DOCK8: variants seen among roughly 807,000 people sequenced by gnomAD.
DOCK8 encodes dedicator of cytokinesis 8.
DOCK8 carries 141 observed loss-of-function variants against 245.6 expected under a neutral mutation model. The observed-to-expected ratio is 0.57, with a 90% confidence interval of 0.50 to 0.66. DOCK8 has a LOEUF of 0.66. Among genes scored for constraint, DOCK8 ranks in the 30% least tolerant of loss-of-function variants. The pLI is 0.00. For synonymous variants in DOCK8, 1,168 were observed against 970.2 expected (o/e 1.20, Z -3.79); for missense variants, 2,965 against 2,603.4 (o/e 1.14, Z -3.02).
At chr9:389,852 C>A (rs1563997961) in intron 23 of DOCK8, among the ~76,000 whole-genome samples, 1 of 149,180 alleles carries the variant, frequency 6.7e-6, no homozygotes, top group East Asian at 2.0e-4. Context: ...CCATCTCTAC[C>A]AAAAAAAAAG....
intron 12 of DOCK8, among the ~76,000 whole-genome samples, chr9:337,443 C>T (rs1301525710): frequency 1.3e-5 from 2 of 152,194 alleles, no homozygotes; most frequent in Non-Finnish European, 2.9e-5. Flanking sequence ...TTTGAACTAT[C>T]TTGGCCAATC....
chr9:220,808 C>T (rs565147264), intron 1 of DOCK8: 2 of 365,080 alleles, frequency 5.5e-6, no homozygotes, highest in African/African-American at 2.3e-5. Flanking sequence ...GCAACCTCTG[C>T]CTCCCGGATT....
chr9:299,224 C>T (rs1183035057), intron 4 of DOCK8, among the ~76,000 whole-genome samples: 1 of 152,082 alleles, frequency 6.6e-6, no homozygotes. Context: ...ACTTCATGTA[C>T]TAGGAAAGTT....
intron 21 of DOCK8, among the ~76,000 whole-genome samples, chr9:382,046 T>C (rs1446891378): frequency 6.6e-6 from 1 of 152,206 alleles, no homozygotes; most frequent in Admixed American, 6.5e-5. Flanking sequence ...TGAAAAACAG[T>C]GCTGTATACA....
intron 44 of DOCK8, 24 bp from the exon 45 acceptor site, chr9:449,760 C>A (rs756517337): frequency 6.2e-7 from 1 of 1,612,248 alleles, no homozygotes; most frequent in African/African-American, 1.3e-5. Context: ...CAGTGACTTC[C>A]CTATGTTTAC....
chr9:262,552 G>A (rs1452863004), intron 1 of DOCK8, among the ~76,000 whole-genome samples: 2 of 150,592 alleles, frequency 1.3e-5, no homozygotes, highest in African/African-American at 4.9e-5. Context: ...AAATGATTCT[G>A]TTGAATGGAA....
rs189656240 is a variant in DOCK8, at chr9:306,333, G to A, written c.528+1629G>A. Among the ~76,000 whole-genome samples the A allele has an allele frequency of 3.3e-5, 5 of 152,250 alleles. No homozygotes were observed. In the East Asian group the frequency reaches 9.6e-4, roughly 29 times the overall value. ...CGCTAAATATGACAGGCTTACTGAG[G>A]GATAGAATACCTGGATGCTCTGCTC... On this transcript the variant is annotated intron_variant, in intron 5 of 47. Coordinates refer to ENST00000432829, the MANE Select transcript of DOCK8 (RefSeq NM_203447.4).
At position 367,479 on chromosome 9, in the gene DOCK8, G is replaced by C. The variant is rs139645193; in HGVS notation, c.1680-539G>C. Among the ~76,000 whole-genome samples, 903 of 151,718 alleles carry C rather than the reference G, an allele frequency of 6.0e-3. 17 individuals are homozygous for C. Among genetic ancestry groups the C allele is most frequent in the African/African-American group, 0.02 (830 of 41,016 alleles). ...AGTACCTGTCCTATAGTTGTCAAAT[G>C]GATGGATATATTATTCTTATTGTTG... On this transcript the variant is annotated intron_variant, in intron 14 of 47. Transcript: ENST00000432829.
At chr9:459,495 A>G (rs2057737649) in intron 46 of DOCK8, among the ~76,000 whole-genome samples, 1 of 152,224 alleles carries the variant, frequency 6.6e-6, no homozygotes, top group Non-Finnish European at 1.5e-5. Flanking sequence ...GCTTAAAAGA[A>G]AATTTAATTA....
intron 26 of DOCK8, among the ~76,000 whole-genome samples, chr9:403,858 A>ATCTCTCTGTCTCTCTGTCTC (rs1554693888): frequency 4.8e-5 from 4 of 83,978 alleles, no homozygotes; most frequent in South Asian, 4.6e-4. Flanking sequence ...AAGACTCTGT[A>ATCTCTCTGTCTCTCTGTCTC]TCTCTCTCTC....
intron 1 of DOCK8, among the ~76,000 whole-genome samples, chr9:216,802 G>C: frequency 6.6e-6 from 1 of 152,066 alleles, no homozygotes. Context: ...GGTTGATCTG[G>C]GGTGAGTGGC....
chr9:310,243 G>C (rs1278265419), intron 5 of DOCK8, among the ~76,000 whole-genome samples: 1 of 146,078 alleles, frequency 6.8e-6, no homozygotes, highest in African/African-American at 2.6e-5. Context: ...CTCCAGCCTG[G>C]CCAAAAAATG....
At chr9:386,255 G>C in intron 22 of DOCK8, 76 bp from the exon 23 acceptor site, 1 of 1,239,166 alleles carries the variant, frequency 8.1e-7, no homozygotes, top group Non-Finnish European at 1.2e-6. Context: ...AATGAATTCT[G>C]AGGTTGTGAT....
Position 304,575 on chromosome 9 carries a change from T to G in DOCK8, c.405-6T>G. 6.2e-7 allele frequency: 1 copy of G among 1,613,996 alleles called. No homozygotes were observed. Among genetic ancestry groups the G allele is most frequent in the Non-Finnish European group, 8.5e-7 (1 of 1,179,988 alleles). On this transcript the variant is annotated splice_region_variant and splice_polypyrimidine_tract_variant and intron_variant, in intron 4 of 47. Coordinates refer to ENST00000432829, the MANE Select transcript of DOCK8 (RefSeq NM_203447.4). ...CTCTCTCCAAATTAAATATCAACCATAAAAGAAACCAAGGAAGTCCAGAAA... is the reference window on the plus strand; with the variant it reads ...CTCTCTCCAAATTAAATATCAACCAGAAAAGAAACCAAGGAAGTCCAGAAA...
chr9:400,170 C>T (rs1242740089), intron 26 of DOCK8, among the ~76,000 whole-genome samples: 1 of 128,364 alleles, frequency 7.8e-6, no homozygotes, highest in Non-Finnish European at 1.7e-5. Flanking sequence ...CCACCACCTC[C>T]ACCATCACCA....
intron 43 of DOCK8, 22 bp downstream of exon 43, chr9:443,538 C>CT: frequency 6.3e-7 from 1 of 1,584,634 alleles, no homozygotes; most frequent in South Asian, 1.1e-5. Context: ...TTTACAAAAA[C>CT]TAACCATCAA....
In DOCK8 at chr9:446,548, C is replaced by T. The variant is rs2057266765; in HGVS notation, c.5759C>T (p.Thr1920Ile). The change falls in exon 44 of 48, where the codon ACC (threonine) becomes ATC (isoleucine). Residue 1920 changes from threonine (T) to isoleucine (I), a missense_variant. Thr to Ile is a moderately conservative substitution (Grantham distance 89). Around this residue, in one of 3 missense-constraint regions of DOCK8, gnomAD observed 2,825 missense variants for 2,453.5 expected, o/e 1.15. Transcript: ENST00000432829. ...HEQYRRNTVL[T>I]TMHAFPYIKT... ...CAGTACAGAAGGAACACAGTCCTGA[C>T]CACTATGCACGCCTTCCCCTACATC... The T allele has an allele frequency of 1.9e-6, 3 of 1,614,082 alleles. No homozygotes were observed. The highest frequency in any genetic ancestry group is 2.7e-5 in the African/African-American group (2 of 74,930).
At position 434,805 on chromosome 9, in the gene DOCK8, T is replaced by C; in HGVS notation, c.4909T>C (p.Ser1637Pro). ...MYRIAKSYQA[S>P]PDLRLTWLQN... is the part of the protein sequence containing the mutation. ...CAGAATTGCCAAGAGTTACCAGGCA[T>C]CTCCTGATCTGCGGCTGACCTGGCT... Residue 1637 changes from serine to proline, a missense_variant, in exon 39 of 48, where the codon TCT (serine) becomes CCT (proline). Ser to Pro is a moderately conservative substitution (Grantham distance 74). Transcript: ENST00000432829. 6.2e-7 allele frequency: 1 copy of C among 1,614,122 alleles called. No individual in the cohort carries two copies. The highest frequency in any genetic ancestry group is 8.5e-7 in the Non-Finnish European group (1 of 1,180,030).
At chr9:403,886 C>CTA (rs1363828971) in intron 26 of DOCK8, among the ~76,000 whole-genome samples, 7 of 89,364 alleles carry the variant, frequency 7.8e-5, no homozygotes, top group African/African-American at 2.0e-4. Flanking sequence ...CTCTCTCTCT[C>CTA]TCTCTCTATA....
Sources: allele counts gnomAD v4.1 joint callset (sites outside exome capture counted in the v4.1 genomes callset), GRCh38; gene constraint gnomAD v4.1.1; regional missense constraint gnomAD v4.1.1; transcripts MANE v1.5; gene names NCBI Gene and HGNC (gene_info 2026-07-23, HGNC 2026-07-21).